The following LMNB2 variants were observed in gnomAD, a reference collection of about 807,000 sequenced individuals.
LMNB2 encodes lamin B2, also known as lamin-B2.
A neutral mutation model predicts 69.3 loss-of-function variants in LMNB2; 17 were observed. The ratio of observed to expected loss-of-function variants is 0.25; its 90% confidence interval spans 0.17 to 0.37. The LOEUF is 0.37. LMNB2 is among the 10% of genes least tolerant of loss of function. LMNB2 has a pLI of 1.00. For missense variants in LMNB2, 789 were observed against 883.6 expected, an observed-to-expected ratio of 0.89 and a Z score of 1.36; for synonymous variants, 397 against 389.3, an observed-to-expected ratio of 1.02 and a Z score of -0.23.
chr19:2,455,378 T>G (rs928259113), intron 1 of LMNB2, among the ~76,000 whole-genome samples: 3 of 150,150 alleles, frequency 2.0e-5, no homozygotes, highest in African/African-American at 7.4e-5. Flanking sequence ...CCCAGCTTCA[T>G]CCCCAGAGAC....
At chr19:2,434,559 C>T in intron 6 of LMNB2, 44 bp from the exon 7 acceptor site, 1 of 1,590,764 alleles carries the variant, frequency 6.3e-7, no homozygotes, top group Non-Finnish European at 8.6e-7. Flanking sequence ...GCCCATGGGT[C>T]ACAAGGCCCA....
intron 6 of LMNB2, 110 bp from the exon 7 acceptor site, chr19:2,434,625 G>C (rs1377773891): frequency 4.7e-6 from 7 of 1,502,718 alleles, no homozygotes; most frequent in Non-Finnish European, 6.3e-6. Context: ...GCAGAGACCA[G>C]GCCTGGGCAT....
intron 4 of LMNB2, among the ~76,000 whole-genome samples, chr19:2,435,410 G>A (rs1410038106): frequency 6.6e-6 from 1 of 152,224 alleles, no homozygotes; most frequent in Non-Finnish European, 1.5e-5. Context: ...GATGCACCTT[G>A]AGGACGTCAC....
chr19:2,449,407 T>A (rs1204548911), intron 1 of LMNB2, among the ~76,000 whole-genome samples: 1 of 152,158 alleles, frequency 6.6e-6, no homozygotes. Context: ...CCACAAGGTA[T>A]CCCTGTCACT....
intron 1 of LMNB2, 112 bp downstream of exon 1, chr19:2,456,558 C>T: frequency 1.7e-6 from 2 of 1,146,482 alleles, no homozygotes; most frequent in African/African-American, 3.3e-5. Flanking sequence ...CCCCCGAAGC[C>T]GGGGCCCGTC....
chr19:2,434,901 T>C lies in LMNB2; in HGVS notation c.868A>G (p.Lys290Glu). ...TTGTCGTTCTGGTCAGAGCTCAGCT[T>C]GGCGCTGTCCAGCTGTGGGGAGACG... ...QTYQAKLDSA[K>E]LSSDQNDKAA... Residue 290 changes from lysine to glutamate, a missense_variant, in exon 6 of 12, where the codon AAG becomes GAG. By Grantham distance (56) the Lys-to-Glu change is moderately conservative (BLOSUM62 1). This residue lies in a region of LMNB2 where 609 missense variants were observed against 630.9 expected (regional missense o/e 0.97). Coordinates refer to ENST00000325327, the MANE Select transcript of LMNB2 (RefSeq NM_032737.4). The C allele has an allele frequency of 6.2e-7, 1 of 1,604,698 alleles. No homozygotes were observed.
At chr19:2,432,875 C>T (rs1240558809) in intron 8 of LMNB2, among the ~76,000 whole-genome samples, 2 of 101,868 alleles carry the variant, frequency 2.0e-5, no homozygotes, top group African/African-American at 4.5e-5. Context: ...CCGGTCTTTC[C>T]GGTCACCTTG....
chr19:2,448,204 G>A (rs773173781), intron 1 of LMNB2, among the ~76,000 whole-genome samples: 8 of 152,182 alleles, frequency 5.3e-5, no homozygotes, highest in Non-Finnish European at 8.8e-5. Flanking sequence ...AGGAAAAAGC[G>A]GCCAGCTCCA....
At chr19:2,432,206 C>T (rs1971749046) in intron 9 of LMNB2, among the ~76,000 whole-genome samples, 1 of 152,144 alleles carries the variant, frequency 6.6e-6, no homozygotes, top group African/African-American at 2.4e-5. Context: ...AGCCTGGACT[C>T]AGACCCAGGG....
rs767292574 is a variant in LMNB2, at chr19:2,434,523, G to C, written c.982-8C>G. Reference sequence around the variant, plus strand: ...ATCTTCAGCGGCACTGGCCTGCGGAGGGGGCGGGTGGCGAAGGTCAGGGCA... The same window carrying C: ...ATCTTCAGCGGCACTGGCCTGCGGACGGGGCGGGTGGCGAAGGTCAGGGCA... On this transcript the variant is annotated splice_polypyrimidine_tract_variant and splice_region_variant and intron_variant, in intron 6 of 11. Transcript: ENST00000325327. 29 of 1,610,542 alleles carry C rather than the reference G, an allele frequency of 1.8e-5. No individual in the cohort carries two copies. The highest frequency in any genetic ancestry group is 2.3e-5 in the Non-Finnish European group (27 of 1,179,692).
At chr19:2,432,324 A>AAC in intron 9 of LMNB2, 92 bp downstream of exon 9, 10 of 464,476 alleles carry the variant, frequency 2.2e-5, no homozygotes, top group Admixed American at 2.7e-5. Context: ...CATCATCCCC[A>AAC]CCCACCCCCG....
intron 2 of LMNB2, among the ~76,000 whole-genome samples, chr19:2,441,793 G>A (rs1412125637): frequency 6.6e-6 from 1 of 152,222 alleles, no homozygotes; most frequent in Non-Finnish European, 1.5e-5. Context: ...AAGGAGCAGT[G>A]CTGGAGGAGC....
At chr19:2,452,889 G>C (rs1302696797) in intron 1 of LMNB2, among the ~76,000 whole-genome samples, 1 of 151,884 alleles carries the variant, frequency 6.6e-6, no homozygotes, top group South Asian at 2.1e-4. Flanking sequence ...TACCCTCATG[G>C]AGGCTGCGTC....
intron 1 of LMNB2, among the ~76,000 whole-genome samples, chr19:2,454,292 CA>C (rs58800585): frequency 0.14 from 11,524 of 80,888 alleles, 815 homozygotes; most frequent in East Asian, 0.33. Flanking sequence ...GACTCTATCT[CA>C]AAAAAAAAAA....
At chr19:2,455,862 C>A (rs1275597081) in intron 1 of LMNB2, among the ~76,000 whole-genome samples, 1 of 151,852 alleles carries the variant, frequency 6.6e-6, no homozygotes, top group Non-Finnish European at 1.5e-5. Flanking sequence ...TGCTCAGGGT[C>A]CCCCGTGATC....
In LMNB2 at chr19:2,429,077, C is replaced by T. The variant is rs976137846; in HGVS notation, c.*1834G>A. ...CTGTCGGCAAATCACAGACCAACTC[C>T]AGGATACAGCTTTGCTCCTCCAGAG... On this transcript the variant is annotated 3_prime_UTR_variant, in exon 12 of 12. Transcript: ENST00000325327. 6.6e-5 allele frequency: 10 copies of T among 152,368 alleles called. No individual in the cohort carries two copies. The highest frequency in any genetic ancestry group is 2.4e-4 in the African/African-American group (10 of 41,554). 9.4% of individuals were successfully genotyped at this position (152,368 alleles called of 1,614,324 possible).
intron 1 of LMNB2, among the ~76,000 whole-genome samples, chr19:2,449,931 C>T (rs1342215416): frequency 5.3e-5 from 8 of 151,108 alleles, no homozygotes; most frequent in African/African-American, 1.5e-4. Flanking sequence ...CAGAATTAGC[C>T]GGGCATGGTG....
At chr19:2,438,823 C>G (rs1971859254) in intron 2 of LMNB2, among the ~76,000 whole-genome samples, 1 of 152,180 alleles carries the variant, frequency 6.6e-6, no homozygotes, top group African/African-American at 2.4e-5. Flanking sequence ...CCAGGACGAC[C>G]ATTTGGGGAG....
intron 2 of LMNB2, among the ~76,000 whole-genome samples, chr19:2,441,378 C>T (rs1166950697): frequency 6.6e-6 from 1 of 152,236 alleles, no homozygotes; most frequent in East Asian, 1.9e-4. Context: ...CCAGAGACTT[C>T]GGCCACAAGG....
Sources: gnomAD v4.1 joint callset for allele counts (sites outside exome capture counted in the v4.1 genomes callset) on GRCh38, gnomAD v4.1.1 for gene constraint, gnomAD v4.1.1 regional missense constraint, MANE v1.5 for transcripts, NCBI Gene and HGNC (gene_info 2026-07-23, HGNC 2026-07-21) for gene names.